The following PAK4 variants were observed in gnomAD, a reference collection of about 807,000 sequenced individuals.
The protein encoded by PAK4 is serine/threonine-protein kinase PAK 4.
A neutral mutation model predicts 53.5 loss-of-function variants in PAK4; 49 were observed. The observed-to-expected ratio is 0.92, with a 90% CI of 0.73 to 1.16. PAK4 has a LOEUF of 1.16. Among genes scored for constraint, PAK4 ranks in the 50% most tolerant of loss-of-function variants. PAK4 has a pLI of 0.00. For missense variants in PAK4, 824 were observed against 850.7 expected (o/e 0.97, Z 0.39); for synonymous variants, 376 against 375.6 (o/e 1.00, Z -0.01).
At chr19:39,130,416 G>T (rs146170412) in intron 1 of PAK4, among the ~76,000 whole-genome samples, 1 of 152,142 alleles carries the variant, frequency 6.6e-6, no homozygotes, top group African/African-American at 2.4e-5. Context: ...GTGGCCCAGC[G>T]TGGGGAGTTG....
At chr19:39,164,826 C>T (rs2074342908) in intron 1 of PAK4, among the ~76,000 whole-genome samples, 1 of 152,112 alleles carries the variant, frequency 6.6e-6, no homozygotes, top group African/African-American at 2.4e-5. Flanking sequence ...TTGAGGGCGC[C>T]TGCGAGCTCA....
chr19:39,177,870 G>T, intron 8 of PAK4, 61 bp downstream of exon 9: 2 of 1,556,024 alleles, frequency 1.3e-6, no homozygotes, highest in South Asian at 1.2e-5. Context: ...GCTCCAGGTG[G>T]AGCATGGGGT....
At chr19:39,126,861 C>T (rs2073594414) in intron 1 of PAK4, among the ~76,000 whole-genome samples, 4 of 152,142 alleles carry the variant, frequency 2.6e-5, no homozygotes, top group South Asian at 2.1e-4. Context: ...ACTTTACAGA[C>T]GGGAAAAATG....
chr19:39,163,279 A>C (rs935476864), intron 1 of PAK4, among the ~76,000 whole-genome samples: 3 of 151,932 alleles, frequency 2.0e-5, no homozygotes, highest in Non-Finnish European at 4.4e-5. Context: ...TTTGGTAACG[A>C]TGAAAGGATG....
chr19:39,163,072 G>A (rs1392114336), intron 1 of PAK4, among the ~76,000 whole-genome samples: 4 of 152,118 alleles, frequency 2.6e-5, no homozygotes, highest in South Asian at 2.1e-4. Context: ...GTGCCGGGAC[G>A]GGAAGCCAAA....
intron 7 of PAK4, 51 bp downstream of exon 8, chr19:39,176,766 A>G (rs371466582): frequency 2.2e-4 from 355 of 1,587,086 alleles, no homozygotes; most frequent in Non-Finnish European, 2.9e-4. Flanking sequence ...GTACGCTGCC[A>G]TTTTCCAGCT....
intron 1 of PAK4, among the ~76,000 whole-genome samples, chr19:39,164,600 C>T (rs948725708): frequency 7.2e-5 from 11 of 152,074 alleles, no homozygotes; most frequent in African/African-American, 1.9e-4. Flanking sequence ...TGGTGATGGG[C>T]GCATCCTGTG....
intron 1 of PAK4, among the ~76,000 whole-genome samples, chr19:39,126,552 C>A (rs563979571): frequency 1.3e-4 from 19 of 151,990 alleles, no homozygotes; most frequent in African/African-American, 4.3e-4. Context: ...ATGGGCTAGA[C>A]CCTCTTTTTA....
At chr19:39,162,627 G>A (rs757588715) in intron 1 of PAK4, among the ~76,000 whole-genome samples, 10 of 151,982 alleles carry the variant, frequency 6.6e-5, no homozygotes, top group Non-Finnish European at 1.0e-4. Context: ...TGATTGCTGC[G>A]TTATTTTCTA....
chr19:39,127,152 G>C (rs1180119335), intron 1 of PAK4, among the ~76,000 whole-genome samples: 1 of 152,100 alleles, frequency 6.6e-6, no homozygotes, highest in Non-Finnish European at 1.5e-5. Context: ...ACGGGCTTCT[G>C]ACTGGGGAGA....
intron 1 of PAK4, among the ~76,000 whole-genome samples, chr19:39,142,051 C>A (rs754401195): frequency 2.0e-5 from 3 of 152,152 alleles, no homozygotes; most frequent in African/African-American, 7.2e-5. Context: ...TCAGAGCTCA[C>A]GTGCAGCCTT....
chr19:39,134,470 C>T (rs1391012554), intron 1 of PAK4, among the ~76,000 whole-genome samples: 2 of 149,820 alleles, frequency 1.3e-5, no homozygotes, highest in Admixed American at 6.6e-5. Context: ...GTCATCTTGC[C>T]TGCTTTTGAA....
chr19:39,151,509 G>A, intron 1 of PAK4, among the ~76,000 whole-genome samples: 1 of 152,232 alleles, frequency 6.6e-6, no homozygotes, highest in East Asian at 1.9e-4. Flanking sequence ...TGAAATGACA[G>A]CTGCACACAG....
intron 1 of PAK4, among the ~76,000 whole-genome samples, chr19:39,136,220 C>T (rs958782828): frequency 1.3e-5 from 2 of 150,738 alleles, no homozygotes; most frequent in African/African-American, 4.9e-5. Flanking sequence ...CTCCCTGCTC[C>T]CTTCTCCCCC....
rs746194459 is a variant in PAK4 at position 39,174,890 on chromosome 19, C to T, written c.1099-41C>T. 5.0e-6 allele frequency: 8 copies of T among 1,610,206 alleles called. No homozygotes were observed. The African/African-American group carries it at 8.0e-5, about 16-fold the overall frequency. On this transcript the variant is annotated intron_variant, in intron 4 of 8. Transcript: ENST00000358301. ...CGGTGGCTGGGTCTGGCACTGGCAG[C>T]CCTCCCGCCTCCCTCCACCACTGAC...
chr19:39,177,465 G>A (rs1204574110), intron 7 of PAK4, among the ~76,000 whole-genome samples: 1 of 152,156 alleles, frequency 6.6e-6, no homozygotes, highest in Admixed American at 6.5e-5. Flanking sequence ...GAAAGAAGAG[G>A]GGTGGGTGCT....
At chr19:39,137,414 G>A (rs769823432) in intron 1 of PAK4, among the ~76,000 whole-genome samples, 2 of 152,044 alleles carry the variant, frequency 1.3e-5, no homozygotes, top group African/African-American at 2.4e-5. Context: ...CCTGTGTCCC[G>A]GCCAGTGCTC....
Position 39,161,544 on chromosome 19 carries a change from T to C in PAK4, c.-22-7988T>C, listed in dbSNP as rs1206341122. Among the ~76,000 whole-genome samples the C allele has an allele frequency of 6.7e-6, 1 of 149,532 alleles. No homozygotes were observed. Among genetic ancestry groups the C allele is most frequent in the Non-Finnish European group, 1.5e-5 (1 of 67,322 alleles). ...TTTCCACTGGGCCATCACAGCCTCC[T>C]CCTCCCTGGTCCCCCTTTCCGTTCT... is the stretch of plus-strand genomic sequence containing the variant. On this transcript the variant is annotated intron_variant, in intron 1 of 8. Transcript: ENST00000358301. This position sits in a 1 kb window ranked among gnomAD's most constrained non-coding sequence, Gnocchi z 4.5.
At chr19:39,156,375 C>A (rs12978175) in intron 1 of PAK4, among the ~76,000 whole-genome samples, 1 of 152,112 alleles carries the variant, frequency 6.6e-6, no homozygotes, top group Non-Finnish European at 1.5e-5. Context: ...TCAAACCTGG[C>A]TGCCCCTTAG....
Sources: allele counts gnomAD v4.1 joint callset (sites outside exome capture counted in the v4.1 genomes callset), GRCh38; gene constraint gnomAD v4.1.1; non-coding constraint Gnocchi (gnomAD v3.1); transcripts MANE v1.5; gene names NCBI Gene and HGNC (gene_info 2026-07-23, HGNC 2026-07-21).